The following LRP1B variants were observed in gnomAD, a reference collection of about 807,000 sequenced individuals.
The protein encoded by LRP1B is LDL receptor related protein 1B.
A neutral mutation model predicts 556.6 loss-of-function variants in LRP1B; 217 were observed. That is an observed-to-expected ratio of 0.39 (90% CI 0.35 to 0.44). The LOEUF is 0.44. LRP1B is among the 20% of genes least tolerant of loss of function. The pLI is 1.00. For synonymous variants in LRP1B, 2,047 were observed against 1,865.8 expected, an observed-to-expected ratio of 1.10 and a Z score of -2.50; for missense variants, 5,053 against 5,620.8, an observed-to-expected ratio of 0.90 and a Z score of 3.23.
intron 3 of LRP1B, among the ~76,000 whole-genome samples, chr2:141,296,950 A>G (rs902423853): frequency 6.6e-6 from 1 of 152,340 alleles, no homozygotes; most frequent in East Asian, 1.9e-4. Flanking sequence ...AGGTGAGAAC[A>G]TGCAATATTT....
chr2:141,294,495 G>A (rs1229246942), intron 3 of LRP1B, among the ~76,000 whole-genome samples: 2 of 151,962 alleles, frequency 1.3e-5, no homozygotes, highest in Non-Finnish European at 2.9e-5. Flanking sequence ...GGCCATGGTG[G>A]GAGGATTGCT....
chr2:140,323,407 G>A lies in LRP1B; in HGVS notation c.12514+486C>T, dbSNP rs535081195. Among the ~76,000 whole-genome samples the A allele has an allele frequency of 3.9e-5, 6 of 151,982 alleles. No homozygotes were observed. The East Asian group carries it at 1.2e-3, about 29-fold the overall frequency. On this transcript the variant is annotated intron_variant, in intron 81 of 90. Transcript: ENST00000389484. ...ATATATTTAAGAATGATAGTTACTT[G>A]TTGATTAGTGGTAAGAGTCAAAATG...
At chr2:141,694,219 C>T (rs1394448204) in intron 2 of LRP1B, among the ~76,000 whole-genome samples, 1 of 152,000 alleles carries the variant, frequency 6.6e-6, no homozygotes, top group East Asian at 1.9e-4. Context: ...ATGTTCTTTC[C>T]AGCTTTACCA....
At chr2:142,097,852 C>T (rs1395353218) in intron 1 of LRP1B, among the ~76,000 whole-genome samples, 1 of 151,592 alleles carries the variant, frequency 6.6e-6, no homozygotes, top group Non-Finnish European at 1.5e-5. Flanking sequence ...ACATGGTGTA[C>T]ACATGTAAAT....
chr2:141,652,080 C>T (rs1689812629), intron 2 of LRP1B, among the ~76,000 whole-genome samples: 1 of 152,076 alleles, frequency 6.6e-6, no homozygotes, highest in African/African-American at 2.4e-5. Flanking sequence ...ACACAACTTC[C>T]CTCAATTTTA....
At chr2:141,986,195 G>A (rs1462595091) in intron 1 of LRP1B, among the ~76,000 whole-genome samples, 2 of 151,904 alleles carry the variant, frequency 1.3e-5, no homozygotes, top group Non-Finnish European at 2.9e-5. Context: ...TGATGTGTTC[G>A]TACAATATGA....
chr2:140,360,072 C>T (rs533459667), intron 72 of LRP1B, among the ~76,000 whole-genome samples: 1 of 151,664 alleles, frequency 6.6e-6, no homozygotes, highest in Non-Finnish European at 1.5e-5. Context: ...CTTCATATTC[C>T]ATCCTCAGAT....
At chr2:141,051,844 A>C (rs1699045458) in intron 10 of LRP1B, among the ~76,000 whole-genome samples, 1 of 151,824 alleles carries the variant, frequency 6.6e-6, no homozygotes, top group Non-Finnish European at 1.5e-5. Context: ...GTCATACTTC[A>C]CTCATTTTCA....
chr2:142,075,590 C>T (rs1705468241), intron 1 of LRP1B, among the ~76,000 whole-genome samples: 1 of 152,100 alleles, frequency 6.6e-6, no homozygotes, highest in Non-Finnish European at 1.5e-5. Flanking sequence ...ATCATAACTT[C>T]AGGAAGGGCG....
intron 46 of LRP1B, among the ~76,000 whole-genome samples, chr2:140,534,482 G>C (rs1168948872): frequency 6.6e-6 from 1 of 152,066 alleles, no homozygotes; most frequent in Non-Finnish European, 1.5e-5. Context: ...TAACTCAAAT[G>C]TAACAAAAAC....
chr2:140,799,278 T>G (rs531525042), intron 32 of LRP1B, among the ~76,000 whole-genome samples: 3 of 151,994 alleles, frequency 2.0e-5, no homozygotes, highest in Middle Eastern at 3.4e-3. Context: ...TTAGATGAGG[T>G]CATGAGTATG....
intron 1 of LRP1B, among the ~76,000 whole-genome samples, chr2:141,818,684 C>G (rs1460451485): frequency 1.3e-5 from 2 of 151,192 alleles, no homozygotes; most frequent in Admixed American, 6.6e-5. Flanking sequence ...CTACAGGCGC[C>G]TGCCACCACA....
At chr2:141,214,181 C>G (rs908502693) in intron 6 of LRP1B, among the ~76,000 whole-genome samples, 2 of 152,162 alleles carry the variant, frequency 1.3e-5, no homozygotes, top group African/African-American at 2.4e-5. Flanking sequence ...GGATGGTCAT[C>G]ATCATAACTT....
intron 35 of LRP1B, among the ~76,000 whole-genome samples, chr2:140,767,023 C>T (rs1181174614): frequency 2.0e-5 from 3 of 151,524 alleles, no homozygotes; most frequent in Non-Finnish European, 4.4e-5. Context: ...GGAAACAGAG[C>T]CTCAGAAAAA....
In LRP1B at chr2:141,477,225, A is replaced by G. The variant is rs185146071; in HGVS notation, c.343+3171T>C. Among the ~76,000 whole-genome samples the G allele has an allele frequency of 7.9e-5, 12 of 151,708 alleles. 1 individual carries two copies. In the East Asian group the frequency reaches 2.1e-3, roughly 27 times the overall value. On this transcript the variant is annotated intron_variant, in intron 3 of 90. Transcript: ENST00000389484. ...TTAGGCTTTAGGTATAATTACTTAAATTATAGTCTATGCTTAGAATGCAAC... is the reference window on the plus strand; with the variant it reads ...TTAGGCTTTAGGTATAATTACTTAAGTTATAGTCTATGCTTAGAATGCAAC...
intron 43 of LRP1B, among the ~76,000 whole-genome samples, chr2:140,574,680 G>T (rs1681451533): frequency 6.6e-6 from 1 of 152,148 alleles, no homozygotes; most frequent in Admixed American, 6.6e-5. Flanking sequence ...ATTGTTCAAG[G>T]ACATGTTCTG....
intron 7 of LRP1B, among the ~76,000 whole-genome samples, chr2:141,130,773 T>C (rs972019442): frequency 1.3e-5 from 2 of 152,070 alleles, no homozygotes; most frequent in African/African-American, 4.8e-5. Flanking sequence ...TGGAACCAAC[T>C]GAAATATCTA....
At position 140,327,834 on chromosome 2, in the gene LRP1B, C is replaced by T. The variant is rs1005954079; in HGVS notation, c.12224-1956G>A. Among the ~76,000 whole-genome samples, 8 of 152,076 alleles carry T rather than the reference C, an allele frequency of 5.3e-5. 1 individual carries two copies. The South Asian group carries it at 1.2e-3, about 24-fold the overall frequency. ...AGGTTTGTCTAAGACCCACTTTTATCAGCTCTGGCCATATTTTGTACTATT... is the reference window on the plus strand; with the variant it reads ...AGGTTTGTCTAAGACCCACTTTTATTAGCTCTGGCCATATTTTGTACTATT... On this transcript the variant is annotated intron_variant, in intron 79 of 90. Transcript: ENST00000389484.
At chr2:140,325,977 G>T in intron 79 of LRP1B, 99 bp from the exon 80 acceptor site, 1 of 733,120 alleles carries the variant, frequency 1.4e-6, no homozygotes, top group Non-Finnish European at 2.3e-6. Flanking sequence ...CTTGACATTT[G>T]TCTTCAAGCA....
Sources: gnomAD v4.1 joint callset for allele counts (sites outside exome capture counted in the v4.1 genomes callset) on GRCh38, gnomAD v4.1.1 for gene constraint, MANE v1.5 for transcripts, NCBI Gene and HGNC (gene_info 2026-07-23, HGNC 2026-07-21) for gene names.